Variants in ROBO2 observed in about 807,000 individuals in gnomAD.
The protein encoded by ROBO2 is roundabout homolog 2.
ROBO2 carries 53 observed loss-of-function variants against 160.8 expected under a neutral mutation model. The ratio of observed to expected loss-of-function variants is 0.33; its 90% confidence interval spans 0.26 to 0.41. The LOEUF is 0.41. Among genes scored for constraint, ROBO2 ranks in the 10% least tolerant of loss-of-function variants. The pLI, the probability that ROBO2 is intolerant of heterozygous loss-of-function variation, is 1.00. For synonymous variants in ROBO2, 664 were observed against 611.7 expected (o/e 1.09, Z -1.26); for missense variants, 1,577 against 1,722.4 (o/e 0.92, Z 1.49).
At chr3:76,799,931 G>T (rs2064071616) in intron 2 of ROBO2, among the ~76,000 whole-genome samples, 1 of 152,050 alleles carries the variant, frequency 6.6e-6, no homozygotes, top group Non-Finnish European at 1.5e-5. Context: ...TGAGCAAAAA[G>T]AACAAAACTG....
At chr3:76,984,658 A>T (rs776794944) in intron 2 of ROBO2, among the ~76,000 whole-genome samples, 94 of 152,232 alleles carry the variant, frequency 6.2e-4, no homozygotes, top group Non-Finnish European at 9.0e-4. Flanking sequence ...CTGGATCTAA[A>T]ACTAACAATG....
intron 2 of ROBO2, among the ~76,000 whole-genome samples, chr3:76,558,632 A>C (rs951954021): frequency 2.6e-5 from 4 of 152,096 alleles, no homozygotes; most frequent in African/African-American, 9.7e-5. Context: ...GGGTTTTTTT[A>C]GATGTTGTAC....
chr3:77,239,676 T>A (rs1837875), intron 2 of ROBO2, among the ~76,000 whole-genome samples: 46,299 of 151,836 alleles, frequency 0.3, 8,573 homozygotes, highest in East Asian at 0.78. Flanking sequence ...TGCTGATTGG[T>A]GTATTTACAA....
intron 2 of ROBO2, among the ~76,000 whole-genome samples, chr3:76,706,302 G>A (rs894011189): frequency 1.3e-5 from 2 of 152,026 alleles, no homozygotes; most frequent in African/African-American, 4.8e-5. Context: ...CTTTGTTCCA[G>A]TAAATATTTG....
chr3:77,442,109 G>C (rs1318161856), intron 2 of ROBO2, among the ~76,000 whole-genome samples: 1 of 152,048 alleles, frequency 6.6e-6, no homozygotes, highest in Non-Finnish European at 1.5e-5. Context: ...TCAGGAAATC[G>C]AGACCATCCT....
chr3:77,372,027 C>T (rs2071829738), intron 2 of ROBO2, among the ~76,000 whole-genome samples: 1 of 152,018 alleles, frequency 6.6e-6, no homozygotes, highest in Admixed American at 6.5e-5. Context: ...TTATGAGTGA[C>T]AAAATCTTAA....
At chr3:76,224,619 A>G (rs1295432738) in intron 2 of ROBO2, among the ~76,000 whole-genome samples, 2 of 152,190 alleles carry the variant, frequency 1.3e-5, no homozygotes, top group Non-Finnish European at 2.9e-5. Context: ...CAGCTATTGG[A>G]GCATCTCTTA....
chr3:76,984,338 A>G (rs1209996082), intron 2 of ROBO2, among the ~76,000 whole-genome samples: 2 of 152,156 alleles, frequency 1.3e-5, no homozygotes, highest in African/African-American at 4.8e-5. Flanking sequence ...CTCTTTACTT[A>G]CTGTAGCCAA....
chr3:76,035,807 C>T (rs957551075), intron 2 of ROBO2, among the ~76,000 whole-genome samples: 5 of 151,950 alleles, frequency 3.3e-5, no homozygotes, highest in Admixed American at 6.6e-5. Flanking sequence ...GTCTTGATTG[C>T]GATTTTCATC....
intron 1 of ROBO2, among the ~76,000 whole-genome samples, chr3:75,912,809 G>C (rs1946657128): frequency 6.6e-6 from 1 of 152,100 alleles, no homozygotes; most frequent in African/African-American, 2.4e-5. Flanking sequence ...ATATAATACA[G>C]TTACTAATAT....
chr3:76,789,292 TTCG>T (rs1173999874), intron 2 of ROBO2, among the ~76,000 whole-genome samples: 1 of 151,488 alleles, frequency 6.6e-6, no homozygotes, highest in African/African-American at 2.4e-5. Flanking sequence ...TAGCAATGGC[TTCG>T]TTTTTCCAAG....
At chr3:76,962,181 A>T (rs936206558) in intron 2 of ROBO2, among the ~76,000 whole-genome samples, 2 of 152,156 alleles carry the variant, frequency 1.3e-5, no homozygotes, top group African/African-American at 4.8e-5. Context: ...CTAGAAATAC[A>T]AAAATTAGCT....
chr3:76,304,409 T>G (rs1274171731), intron 2 of ROBO2, among the ~76,000 whole-genome samples: 1 of 152,226 alleles, frequency 6.6e-6, no homozygotes, highest in East Asian at 1.9e-4. Context: ...AATAACGACG[T>G]AATTAATGAA....
At chr3:76,604,223 T>C (rs765935456) in intron 2 of ROBO2, among the ~76,000 whole-genome samples, 30 of 152,180 alleles carry the variant, frequency 2.0e-4, no homozygotes, top group Non-Finnish European at 4.3e-4. Context: ...ATAGCACAAA[T>C]AAAGAACATT....
intron 2 of ROBO2, among the ~76,000 whole-genome samples, chr3:75,973,185 G>T (rs928113665): frequency 6.6e-6 from 1 of 151,590 alleles, no homozygotes; most frequent in Non-Finnish European, 1.5e-5. Context: ...TAGCCAGGTA[G>T]GTAGGTCGTA....
chr3:76,850,514 T>G (rs2069236584), intron 2 of ROBO2, among the ~76,000 whole-genome samples: 1 of 152,272 alleles, frequency 6.6e-6, no homozygotes, highest in East Asian at 1.9e-4. Context: ...TCTTCCAAAC[T>G]GAGATATCTC....
intron 2 of ROBO2, among the ~76,000 whole-genome samples, chr3:77,371,430 T>C (rs1302270111): frequency 6.6e-6 from 1 of 152,190 alleles, no homozygotes; most frequent in Non-Finnish European, 1.5e-5. Flanking sequence ...ACACTAGGTG[T>C]GAAACACTGG....
chr3:76,492,031 G>A (rs1228750357), intron 2 of ROBO2, among the ~76,000 whole-genome samples: 1 of 152,076 alleles, frequency 6.6e-6, no homozygotes, highest in Non-Finnish European at 1.5e-5. Context: ...CAGGAGGATC[G>A]CTTGAACCTG....
intron 2 of ROBO2, among the ~76,000 whole-genome samples, chr3:76,329,078 G>A (rs2073273603): frequency 6.6e-6 from 1 of 151,838 alleles, no homozygotes; most frequent in African/African-American, 2.4e-5. Flanking sequence ...AGAGGGAGTC[G>A]GTGGACAAGC....
Sources: gnomAD v4.1 joint callset for allele counts (sites outside exome capture counted in the v4.1 genomes callset) on GRCh38, gnomAD v4.1.1 for gene constraint, MANE v1.5 for transcripts, NCBI Gene and HGNC (gene_info 2026-07-23, HGNC 2026-07-21) for gene names.